Variants in UBR3 observed in about 807,000 individuals in gnomAD.
UBR3 encodes the protein ubiquitin protein ligase E3 component n-recognin 3.
Under a neutral mutation model 243.2 loss-of-function variants are expected in UBR3, and 85 were observed. The observed-to-expected ratio is 0.35, with a 90% CI of 0.29 to 0.42. The LOEUF is 0.42. UBR3 is among the 10% of genes least tolerant of loss of function. The probability of loss-of-function intolerance (pLI) is 1.00; values close to 1 mark genes in which losing one functional copy is unlikely to be tolerated. For synonymous variants in UBR3, 748 were observed against 799.8 expected (o/e 0.94, Z 1.09); for missense variants, 1,686 against 2,300.8 (o/e 0.73, Z 5.47).
At chr2:169,857,598 T>A (rs895619016) in intron 1 of UBR3, among the ~76,000 whole-genome samples, 5 of 151,784 alleles carry the variant, frequency 3.3e-5, no homozygotes, top group African/African-American at 9.7e-5. Context: ...TTTTTTTTTT[T>A]TTATTTTTAG....
chr2:169,920,895 T>G (rs921581351), intron 11 of UBR3, among the ~76,000 whole-genome samples: 3 of 152,096 alleles, frequency 2.0e-5, no homozygotes, highest in Non-Finnish European at 4.4e-5. Context: ...ATGGGAAGGT[T>G]GTGAGCTAGG....
At chr2:169,994,240 G>A in intron 25 of UBR3, 83 bp from the exon 26 acceptor site, 1 of 1,465,316 alleles carries the variant, frequency 6.8e-7, no homozygotes, top group Admixed American at 1.9e-5. Context: ...AGTTGCTTGT[G>A]GTAAATAACT....
chr2:169,915,768 A>G (rs1249510793), intron 11 of UBR3, among the ~76,000 whole-genome samples: 1 of 152,176 alleles, frequency 6.6e-6, no homozygotes, highest in Non-Finnish European at 1.5e-5. Context: ...CATTTAATTA[A>G]TAAAGTATTT....
At chr2:170,038,511 T>C (rs2090886182) in intron 31 of UBR3, among the ~76,000 whole-genome samples, 2 of 152,098 alleles carry the variant, frequency 1.3e-5, no homozygotes, top group Admixed American at 6.6e-5. Flanking sequence ...ACTAAAGATA[T>C]AGAGGATGAA....
chr2:170,035,912 G>GC (rs556755707), intron 31 of UBR3, among the ~76,000 whole-genome samples: 2 of 137,046 alleles, frequency 1.5e-5, no homozygotes, highest in East Asian at 4.7e-4. Context: ...TATTTTATTG[G>GC]GGGGGGGGTT....
rs199892152 is a variant in UBR3 at position 170,001,330 on chromosome 2, T to C, written c.3945T>C (p.Ile1315=). ...KDSSCLLAVS[I]GWEGGVYVQT... is the part of the protein sequence containing the mutation. ...GTTCATGTCTCTTGGCAGTATCAATTGGCTGGGAAGGAGGTGTTTATGTAC... is the reference window on the plus strand; with the variant it reads ...GTTCATGTCTCTTGGCAGTATCAATCGGCTGGGAAGGAGGTGTTTATGTAC... The change falls in exon 27 of 39, where the codon ATT becomes ATC. Residue 1315 remains isoleucine (I), a synonymous_variant. Transcript: ENST00000272793. The C allele has an allele frequency of 7.5e-5, 121 of 1,613,292 alleles. No individual in the cohort carries two copies. The highest frequency in any genetic ancestry group is 9.8e-5 in the Non-Finnish European group (116 of 1,179,462).
At chr2:170,065,551 C>CA (rs2091546967) in intron 35 of UBR3, among the ~76,000 whole-genome samples, 1 of 152,162 alleles carries the variant, frequency 6.6e-6, no homozygotes, top group Admixed American at 6.5e-5. Flanking sequence ...CCTCAGCTCC[C>CA]AAAGTGCTTG....
At chr2:169,945,455 C>T (rs1355703149) in intron 20 of UBR3, among the ~76,000 whole-genome samples, 1 of 152,120 alleles carries the variant, frequency 6.6e-6, no homozygotes, top group Non-Finnish European at 1.5e-5. Flanking sequence ...GACCTCCTTT[C>T]CAAGTCCCCT....
chr2:169,967,238 C>A (rs1279168570), intron 24 of UBR3, among the ~76,000 whole-genome samples: 2 of 131,700 alleles, frequency 1.5e-5, no homozygotes, highest in Non-Finnish European at 3.3e-5. Flanking sequence ...ATGCCCCCCC[C>A]ACCCCCCTAC....
At chr2:169,833,493 T>C (rs2081999088) in intron 1 of UBR3, among the ~76,000 whole-genome samples, 2 of 152,196 alleles carry the variant, frequency 1.3e-5, no homozygotes, top group Admixed American at 1.3e-4. Flanking sequence ...TTGAATTAAA[T>C]TGGATAAAAA....
chr2:169,973,784 G>A (rs1457629917), intron 24 of UBR3, among the ~76,000 whole-genome samples: 2 of 152,096 alleles, frequency 1.3e-5, no homozygotes, highest in African/African-American at 2.4e-5. Flanking sequence ...CCAGTTCTTG[G>A]AGGAAAAGCT....
chr2:169,931,955 G>A (rs921392988), intron 18 of UBR3, among the ~76,000 whole-genome samples: 4 of 152,122 alleles, frequency 2.6e-5, no homozygotes, highest in African/African-American at 9.7e-5. Flanking sequence ...ACACAAGATA[G>A]TGGTTCCTAA....
chr2:169,919,070 A>G (rs983969508), intron 11 of UBR3, among the ~76,000 whole-genome samples: 2 of 152,162 alleles, frequency 1.3e-5, no homozygotes, highest in Non-Finnish European at 2.9e-5. Flanking sequence ...CCAGTGGGAG[A>G]AGGGATATAT....
At chr2:169,995,630 T>C (rs2089451332) in intron 26 of UBR3, among the ~76,000 whole-genome samples, 1 of 152,232 alleles carries the variant, frequency 6.6e-6, no homozygotes, top group African/African-American at 2.4e-5. Context: ...GGTAGGAATG[T>C]TGTATGAAGA....
At chr2:170,037,875 G>A (rs1442943940) in intron 31 of UBR3, among the ~76,000 whole-genome samples, 1 of 151,986 alleles carries the variant, frequency 6.6e-6, no homozygotes, top group Non-Finnish European at 1.5e-5. Context: ...GTTCTTAGTA[G>A]TATATAATTC....
Position 170,073,414 on chromosome 2 carries a change from T to TTCATG in UBR3, c.5020-11_5020-7dup. 6.2e-7 allele frequency: 1 copy of TTCATG among 1,613,094 alleles called. No homozygotes were observed. ...ATGAAATATTTTCAGAATTTCCTAT[T>TTCATG]TCATGTCTAAAAGGAAGAAGAAGAA... On this transcript the variant is annotated splice_polypyrimidine_tract_variant and intron_variant, in intron 35 of 38. Coordinates refer to ENST00000272793, the MANE Select transcript of UBR3 (RefSeq NM_172070.4).
chr2:169,917,591 C>T (rs981091757), intron 11 of UBR3, among the ~76,000 whole-genome samples: 2 of 152,076 alleles, frequency 1.3e-5, no homozygotes, highest in East Asian at 1.9e-4. Flanking sequence ...CTGTTTTTCA[C>T]ACAGAAATAT....
At chr2:170,075,466 A>G (rs1200037439) in intron 36 of UBR3, among the ~76,000 whole-genome samples, 2 of 152,228 alleles carry the variant, frequency 1.3e-5, no homozygotes, top group Non-Finnish European at 2.9e-5. Flanking sequence ...ATGAATGATT[A>G]TTGTATGTAT....
intron 17 of UBR3, 27 bp downstream of exon 17, chr2:169,927,432 T>C (rs1211534804): frequency 1.4e-6 from 2 of 1,461,378 alleles, no homozygotes; most frequent in Non-Finnish European, 9.2e-7. Context: ...TTACTTTCTG[T>C]TAGTTGCAGG....
Sources: gnomAD v4.1 joint callset for allele counts (sites outside exome capture counted in the v4.1 genomes callset) on GRCh38, gnomAD v4.1.1 for gene constraint, MANE v1.5 for transcripts, NCBI Gene and HGNC (gene_info 2026-07-23, HGNC 2026-07-21) for gene names.